The following TEX28 variants were observed in gnomAD, a reference collection of about 807,000 sequenced individuals.
TEX28 encodes the protein testis-specific protein TEX28.
upstream of TEX28, among the ~76,000 whole-genome samples, chrX:154,294,638 C>T (rs1357983601): frequency 1.8e-5 from 2 of 109,490 alleles, no homozygotes; most frequent in African/African-American, 3.3e-5. Context: ...CCCGTCTCTA[C>T]TAAAAATACA....
chrX:154,293,349 A>G (rs1211243465), upstream of TEX28, among the ~76,000 whole-genome samples: 1 of 90,171 alleles, frequency 1.1e-5, no homozygotes, highest in Non-Finnish European at 2.0e-5. Flanking sequence ...AAAACAAAAA[A>G]GAAAGAAAGA....
upstream of TEX28, among the ~76,000 whole-genome samples, chrX:154,294,060 T>C (rs1372640848): frequency 1.3e-5 from 1 of 77,603 alleles, no homozygotes; most frequent in African/African-American, 5.0e-5. Context: ...TTAATCGCAA[T>C]TAGGTGGCCT....
At chrX:154,294,453 G>A (rs1394179187), upstream of TEX28, among the ~76,000 whole-genome samples, 4 of 106,456 alleles carry the variant, frequency 3.8e-5, no homozygotes, top group African/African-American at 6.9e-5. Context: ...TGCAACCTCC[G>A]CTTCCCGGAT....
At chrX:154,294,934 G>A (rs1436747425), upstream of TEX28, 1 of 112,683 alleles carries the variant, frequency 8.9e-6, no homozygotes, top group Non-Finnish European at 1.9e-5. Context: ...TTTGAACCAA[G>A]AGACAGCACT....
chrX:154,294,370 C>CTT (rs1167481537), upstream of TEX28, among the ~76,000 whole-genome samples: 21 of 93,282 alleles, frequency 2.3e-4, no homozygotes, highest in Non-Finnish European at 3.9e-4. Flanking sequence ...TGCCCAGCCA[C>CTT]TTTTTTTTTT....
chrX:154,294,042 G>GT (rs1253500576), upstream of TEX28, among the ~76,000 whole-genome samples: 25 of 74,065 alleles, frequency 3.4e-4, no homozygotes, highest in East Asian at 2.5e-3. Context: ...CAGGGTTTTG[G>GT]TTTTTTTTTA....
At chrX:154,294,344 GGA>G (rs1349588700), upstream of TEX28, among the ~76,000 whole-genome samples, 2 of 102,846 alleles carry the variant, frequency 1.9e-5, no homozygotes, top group East Asian at 3.1e-4. Context: ...TGGGATTACA[GGA>G]GCGTGTGCCA....
At chrX:154,295,183 C>G (rs1162075773), upstream of TEX28, 1 of 112,861 alleles carries the variant, frequency 8.9e-6, no homozygotes, top group Non-Finnish European at 1.9e-5. Context: ...GGGCTAACTC[C>G]TCCTCAACAA....
chrX:154,295,016 G>A (rs1472510741), upstream of TEX28: 1 of 111,772 alleles, frequency 8.9e-6, no homozygotes, highest in East Asian at 2.8e-4. Context: ...GCGAGTTCTG[G>A]GTCGGTAGGT....
chrX:154,294,766 G>A (rs2148794598), upstream of TEX28, among the ~76,000 whole-genome samples: 1 of 109,213 alleles, frequency 9.2e-6, no homozygotes, highest in Non-Finnish European at 1.9e-5. Flanking sequence ...TCGAGCCACT[G>A]CACTCCAGCT....
chrX:154,293,343 CA>C (rs1190315282), upstream of TEX28, among the ~76,000 whole-genome samples: 3 of 81,709 alleles, frequency 3.7e-5, no homozygotes, highest in African/African-American at 6.5e-5. Flanking sequence ...AAAACAAAAA[CA>C]AAAAAGAAAG....
At chrX:154,294,916 T>G (rs1370016253), upstream of TEX28, 1 of 112,158 alleles carries the variant, frequency 8.9e-6, no homozygotes, top group Admixed American at 9.4e-5. Context: ...ACGTAGAAAT[T>G]CGGCATTTTT....
chrX:154,293,258 T>A (rs1287535269), upstream of TEX28, among the ~76,000 whole-genome samples: 5 of 51,346 alleles, frequency 9.7e-5, no homozygotes, highest in African/African-American at 2.6e-4. Flanking sequence ...AAAAAAGTAA[T>A]CACTAGAAAA....
upstream of TEX28, among the ~76,000 whole-genome samples, chrX:154,294,646 A>G (rs1314102789): frequency 9.1e-6 from 1 of 110,089 alleles, no homozygotes; most frequent in Non-Finnish European, 1.9e-5. Flanking sequence ...TACTAAAAAT[A>G]CAAAAAATTA....
At chrX:154,295,034 G>C (rs1199518100), upstream of TEX28, 1 of 111,965 alleles carries the variant, frequency 8.9e-6, no homozygotes, top group Non-Finnish European at 1.9e-5. Context: ...GGTCACCTCA[G>C]AGGTGGGGAG....
At chrX:154,294,219 T>C (rs1180026947), upstream of TEX28, among the ~76,000 whole-genome samples, 2 of 108,655 alleles carry the variant, frequency 1.8e-5, no homozygotes, top group East Asian at 5.9e-4. Flanking sequence ...TACAGGTATG[T>C]GCCACTACAC....
At chrX:154,294,042 GT>G (rs1253500576), upstream of TEX28, among the ~76,000 whole-genome samples, 2 of 74,041 alleles carry the variant, frequency 2.7e-5, no homozygotes, top group African/African-American at 1.1e-4. Context: ...CAGGGTTTTG[GT>G]TTTTTTTTAA....
At chrX:154,294,943 CT>C (rs1557163645), upstream of TEX28, 1 of 112,580 alleles carries the variant, frequency 8.9e-6, no homozygotes, top group African/African-American at 3.2e-5. Flanking sequence ...AGAGACAGCA[CT>C]TGGGATCCGG....
At chrX:154,294,316 C>T (rs1474477791), upstream of TEX28, among the ~76,000 whole-genome samples, 1 of 98,688 alleles carries the variant, frequency 1.0e-5, no homozygotes, top group Non-Finnish European at 2.0e-5. Context: ...ATCCACCCAC[C>T]TTGGCCTCCC....
Sources: allele counts gnomAD v4.1 joint callset (sites outside exome capture counted in the v4.1 genomes callset), GRCh38; gene constraint gnomAD v4.1.1; transcripts MANE v1.5; gene names NCBI Gene and HGNC (gene_info 2026-07-23, HGNC 2026-07-21).